The following SSBP2 variants were observed in gnomAD, a reference collection of about 807,000 sequenced individuals.
SSBP2 encodes the protein single stranded DNA binding protein 2, also known as single-stranded DNA-binding protein 2.
Under a neutral mutation model 61.8 loss-of-function variants are expected in SSBP2, and 17 were observed. That is an observed-to-expected ratio of 0.28 (90% CI 0.19 to 0.41). SSBP2 has a LOEUF of 0.41. Ranked by LOEUF, SSBP2 falls within the 10% of genes least tolerant of loss-of-function variation. The pLI is 1.00. For missense variants in SSBP2, 310 were observed against 458.7 expected, an observed-to-expected ratio of 0.68 and a Z score of 2.96; for synonymous variants, 139 against 141.3, an observed-to-expected ratio of 0.98 and a Z score of 0.12.
chr5:81,434,552 C>T (rs565940680), intron 15 of SSBP2, among the ~76,000 whole-genome samples: 1 of 144,940 alleles, frequency 6.9e-6, no homozygotes, highest in South Asian at 2.2e-4. Flanking sequence ...TCGTTTGAAC[C>T]CAGGAGGCGG....
chr5:81,492,284 C>G (rs1482412361), intron 5 of SSBP2, among the ~76,000 whole-genome samples: 1 of 152,080 alleles, frequency 6.6e-6, no homozygotes, highest in Admixed American at 6.5e-5. Flanking sequence ...GGGCAGACCA[C>G]TTGAGGCCAG....
intron 1 of SSBP2, 117 bp from the exon 2 acceptor site, chr5:81,650,456 C>A: frequency 1.9e-6 from 1 of 526,772 alleles, no homozygotes; most frequent in Non-Finnish European, 3.2e-6. Context: ...AAAAATAAAC[C>A]CTTCCCATAC....
chr5:81,589,526 C>T lies in SSBP2; in HGVS notation c.282+25947G>A, dbSNP rs1034475643. Among the ~76,000 whole-genome samples the T allele has an allele frequency of 4.0e-5, 6 of 151,824 alleles. No homozygotes were observed. The South Asian group carries it at 6.2e-4, about 16-fold the overall frequency. ...CAATTTGTATAGTTTTACATTTTTC[C>T]GAAATTGTTTATATACAATATCTCA... On this transcript the variant is annotated intron_variant, in intron 4 of 16. Transcript: ENST00000320672.
Position 81,612,467 on chromosome 5 carries a change from G to C in SSBP2, c.282+3006C>G, listed in dbSNP as rs142316364. Among the ~76,000 whole-genome samples, 3 of 152,010 alleles carry C rather than the reference G, an allele frequency of 2.0e-5. No individual in the cohort carries two copies. In the East Asian group the frequency reaches 5.8e-4, roughly 29 times the overall value. ...TTTGGAAAATACAGTAATATACATA[G>C]ACAAAAATAAAAATCATGCATTATC... On this transcript the variant is annotated intron_variant, in intron 4 of 16. Transcript: ENST00000320672.
chr5:81,473,474 G>A (rs1765385447), intron 8 of SSBP2, among the ~76,000 whole-genome samples: 1 of 152,084 alleles, frequency 6.6e-6, no homozygotes, highest in South Asian at 2.1e-4. Flanking sequence ...AATTCTTGTT[G>A]GAAGAACACA....
intron 10 of SSBP2, 142 bp from the exon 11 acceptor site, chr5:81,448,967 T>A (rs1763588262): frequency 1.6e-6 from 1 of 641,726 alleles, no homozygotes; most frequent in South Asian, 2.0e-5. Flanking sequence ...TTTGTATCTG[T>A]TTAAGTACTG....
At chr5:81,554,366 T>C (rs924338480) in intron 4 of SSBP2, among the ~76,000 whole-genome samples, 6 of 151,862 alleles carry the variant, frequency 4.0e-5, no homozygotes, top group Middle Eastern at 3.4e-3. Flanking sequence ...TCATTATTCA[T>C]GGTCATACTA....
At chr5:81,695,364 T>C (rs926996351) in intron 1 of SSBP2, among the ~76,000 whole-genome samples, 1 of 152,192 alleles carries the variant, frequency 6.6e-6, no homozygotes, top group Non-Finnish European at 1.5e-5. Flanking sequence ...TTTTTTATTA[T>C]TATACTTTAA....
chr5:81,586,100 G>A (rs897718726), intron 4 of SSBP2, among the ~76,000 whole-genome samples: 6 of 152,172 alleles, frequency 3.9e-5, no homozygotes, highest in African/African-American at 1.4e-4. Context: ...ATGCTGCAAT[G>A]AACATGGGAA....
At chr5:81,541,228 C>G (rs573587143) in intron 4 of SSBP2, among the ~76,000 whole-genome samples, 1 of 152,228 alleles carries the variant, frequency 6.6e-6, no homozygotes, top group Admixed American at 6.5e-5. Flanking sequence ...TGAAAGATCT[C>G]TACAAGGAGA....
intron 8 of SSBP2, among the ~76,000 whole-genome samples, chr5:81,471,017 T>C (rs2154020076): frequency 6.6e-6 from 1 of 152,010 alleles, no homozygotes; most frequent in Non-Finnish European, 1.5e-5. Flanking sequence ...ACATATGATA[T>C]GTATGTATAA....
intron 1 of SSBP2, among the ~76,000 whole-genome samples, chr5:81,666,595 T>G (rs570397217): frequency 1.8e-4 from 28 of 152,198 alleles, no homozygotes; most frequent in Non-Finnish European, 3.7e-4. Context: ...AAATGTAAAT[T>G]TTTAAAAACT....
intron 6 of SSBP2, among the ~76,000 whole-genome samples, chr5:81,476,768 T>G (rs903140346): frequency 5.9e-5 from 9 of 152,212 alleles, no homozygotes; most frequent in Admixed American, 2.6e-4. Flanking sequence ...CACTAACAAC[T>G]AACCACTATG....
chr5:81,415,498 T>C lies in SSBP2; in HGVS notation c.*5006A>G, dbSNP rs1761270103. On this transcript the variant is annotated 3_prime_UTR_variant, in exon 17 of 17. Transcript: ENST00000320672. ...GTATTATTTGTAATTATTGTTGTAT[T>C]ATTGGTTTTTATTGTTATAAAAATT... 1 of 152,204 alleles carries C rather than the reference T, an allele frequency of 6.6e-6. No individual in the cohort carries two copies. Among genetic ancestry groups the C allele is most frequent in the South Asian group, 2.1e-4 (1 of 4,834 alleles). 9.4% of individuals were successfully genotyped at this position (152,204 alleles called of 1,614,324 possible).
At chr5:81,444,763 T>G (rs1011858423) in intron 12 of SSBP2, among the ~76,000 whole-genome samples, 1 of 152,094 alleles carries the variant, frequency 6.6e-6, no homozygotes, top group African/African-American at 2.4e-5. Flanking sequence ...AAAAGAAATT[T>G]ATCATTTTAA....
chr5:81,595,725 A>T (rs1743663816), intron 4 of SSBP2, among the ~76,000 whole-genome samples: 1 of 152,208 alleles, frequency 6.6e-6, no homozygotes, highest in Admixed American at 6.5e-5. Context: ...ATATAAACAG[A>T]ACCAAAGACA....
At chr5:81,664,088 T>A (rs1233772937) in intron 1 of SSBP2, among the ~76,000 whole-genome samples, 1 of 151,854 alleles carries the variant, frequency 6.6e-6, no homozygotes, top group Non-Finnish European at 1.5e-5. Context: ...TGTTTATCTC[T>A]GTATGTACTT....
At chr5:81,736,143 A>AACACACACACACACACACAC (rs58588638) in intron 1 of SSBP2, among the ~76,000 whole-genome samples, 5 of 75,428 alleles carry the variant, frequency 6.6e-5, no homozygotes, top group African/African-American at 1.8e-4. Context: ...ACTACCCTGA[A>AACACACACACACACACACAC]ACACACACAC....
At chr5:81,614,417 T>G (rs1745799846) in intron 4 of SSBP2, among the ~76,000 whole-genome samples, 1 of 151,720 alleles carries the variant, frequency 6.6e-6, no homozygotes, top group Non-Finnish European at 1.5e-5. Context: ...GCCAAGATTT[T>G]CACTTCCCGT....
Sources: gnomAD v4.1 joint callset for allele counts (sites outside exome capture counted in the v4.1 genomes callset) on GRCh38, gnomAD v4.1.1 for gene constraint, MANE v1.5 for transcripts, NCBI Gene and HGNC (gene_info 2026-07-23, HGNC 2026-07-21) for gene names.